Variants in SYT1 observed in about 807,000 individuals in gnomAD.
SYT1 encodes the protein synaptotagmin-1.
A neutral mutation model predicts 44.8 loss-of-function variants in SYT1; 8 were observed. The ratio of observed to expected loss-of-function variants is 0.18; its 90% CI spans 0.10 to 0.32. The LOEUF (loss-of-function observed/expected upper bound fraction) is 0.32. SYT1 is among the 10% of genes least tolerant of loss of function. The probability of loss-of-function intolerance (pLI) is 1.00; values close to 1 mark genes in which losing one functional copy is unlikely to be tolerated. For missense variants in SYT1, 286 were observed against 509.3 expected (o/e 0.56, Z 4.22); for synonymous variants, 154 against 188.8 (o/e 0.82, Z 1.51).
chr12:79,417,602 G>A (rs2136147551), intron 9 of SYT1, among the ~76,000 whole-genome samples: 1 of 152,204 alleles, frequency 6.6e-6, no homozygotes, highest in African/African-American at 2.4e-5. Flanking sequence ...CCTTCATGAT[G>A]AAATTCGAAT....
intron 9 of SYT1, among the ~76,000 whole-genome samples, chr12:79,390,729 T>C (rs1256332272): frequency 3.9e-5 from 6 of 152,230 alleles, no homozygotes; most frequent in Non-Finnish European, 8.8e-5. Flanking sequence ...AACTGCACAA[T>C]TGAGCCCTAT....
intron 8 of SYT1, among the ~76,000 whole-genome samples, chr12:79,308,551 A>AAAAG (rs1555216037): frequency 4.7e-5 from 7 of 148,876 alleles, no homozygotes; most frequent in Non-Finnish European, 8.8e-5. Context: ...AAAGAAAGAA[A>AAAAG]AAAGAAAGAA....
intron 1 of SYT1, among the ~76,000 whole-genome samples, chr12:78,935,969 A>G (rs17046064): frequency 0.091 from 13,808 of 152,162 alleles, 717 homozygotes; most frequent in East Asian, 0.18. Flanking sequence ...TTCCAAGTAC[A>G]AAGAGTTCAT....
chr12:79,158,857 A>G (rs1318329058), intron 3 of SYT1, among the ~76,000 whole-genome samples: 1 of 152,064 alleles, frequency 6.6e-6, no homozygotes, highest in Non-Finnish European at 1.5e-5. Flanking sequence ...TGATCACGCC[A>G]CTGAACTCCA....
chr12:79,193,156 T>C (rs760774684), intron 3 of SYT1, among the ~76,000 whole-genome samples: 4 of 152,198 alleles, frequency 2.6e-5, no homozygotes, highest in Non-Finnish European at 5.9e-5. Flanking sequence ...TTAAACATTT[T>C]CTTTATACTA....
At position 79,368,235 on chromosome 12, in the gene SYT1, T is replaced by C. The variant is rs1207527320; in HGVS notation, c.928+14616T>C. Among the ~76,000 whole-genome samples the C allele has an allele frequency of 2.6e-5, 4 of 152,198 alleles. No homozygotes were observed. In the East Asian group the frequency reaches 7.7e-4, roughly 29 times the overall value. ...CTACAAAGGACATGAACTCATCATTTTTTATGGCTGCATAGTATTCCATGG... is the reference window on the plus strand; with the variant it reads ...CTACAAAGGACATGAACTCATCATTCTTTATGGCTGCATAGTATTCCATGG... On this transcript the variant is annotated intron_variant, in intron 9 of 10. Transcript: ENST00000261205.
At chr12:79,358,695 C>T (rs896879483) in intron 9 of SYT1, among the ~76,000 whole-genome samples, 1 of 152,116 alleles carries the variant, frequency 6.6e-6, no homozygotes. Flanking sequence ...CTTGCCCACA[C>T]CCCTACCTTC....
In SYT1 at chr12:79,258,026, GA is replaced by G. The variant is rs994955365; in HGVS notation, c.167-27753del. Among the ~76,000 whole-genome samples the G allele has an allele frequency of 5.9e-5, 9 of 151,686 alleles. No homozygotes were observed. The South Asian group carries it at 1.7e-3, about 28-fold the overall frequency. Reference sequence around the variant, plus strand: ...ACAAAAGGCAAGGTTACTAAAAGAAGAAAAAAAATCAACTGTTTAGATGAAG... The same window carrying G: ...ACAAAAGGCAAGGTTACTAAAAGAAGAAAAAAATCAACTGTTTAGATGAAG... On this transcript the variant is annotated intron_variant, in intron 4 of 10. Coordinates refer to ENST00000261205, the MANE Select transcript of SYT1 (RefSeq NM_005639.3).
intron 1 of SYT1, among the ~76,000 whole-genome samples, chr12:78,927,618 A>G (rs1877375221): frequency 6.6e-6 from 1 of 152,104 alleles, no homozygotes; most frequent in South Asian, 2.1e-4. Flanking sequence ...TGAAGAGGAA[A>G]TTATCCTAAT....
intron 2 of SYT1, among the ~76,000 whole-genome samples, chr12:79,043,602 A>C (rs1031486128): frequency 6.6e-6 from 1 of 151,344 alleles, no homozygotes; most frequent in Non-Finnish European, 1.5e-5. Context: ...TGTGTCTTTT[A>C]ATTGGAGCAT....
At chr12:79,161,038 T>C (rs1592805264) in intron 3 of SYT1, among the ~76,000 whole-genome samples, 1 of 151,958 alleles carries the variant, frequency 6.6e-6, no homozygotes, top group African/African-American at 2.4e-5. Context: ...CTCGAGACCA[T>C]CCTAGGCAAT....
chr12:78,985,054 C>CA, intron 2 of SYT1, among the ~76,000 whole-genome samples: 1 of 151,060 alleles, frequency 6.6e-6, no homozygotes, highest in Non-Finnish European at 1.5e-5. Flanking sequence ...TACCGAGAAC[C>CA]AAAAAGAAAC....
At chr12:79,179,756 C>T (rs1005972292) in intron 3 of SYT1, among the ~76,000 whole-genome samples, 13 of 151,782 alleles carry the variant, frequency 8.6e-5, no homozygotes, top group Non-Finnish European at 1.9e-4. Flanking sequence ...ATCTATTTGC[C>T]ATTTGCTCTA....
At chr12:79,147,443 T>G (rs891482277) in intron 3 of SYT1, among the ~76,000 whole-genome samples, 2 of 152,226 alleles carry the variant, frequency 1.3e-5, no homozygotes, top group Non-Finnish European at 2.9e-5. Flanking sequence ...CCTATTTTTT[T>G]TCTAGACTTA....
chr12:79,006,569 T>A (rs995131597), intron 2 of SYT1, among the ~76,000 whole-genome samples: 17 of 152,292 alleles, frequency 1.1e-4, no homozygotes, highest in African/African-American at 4.1e-4. Context: ...TTTGGTGCCA[T>A]CTTCTGAGAG....
chr12:79,031,523 A>G (rs2137673364), intron 2 of SYT1, among the ~76,000 whole-genome samples: 1 of 151,242 alleles, frequency 6.6e-6, no homozygotes, highest in Non-Finnish European at 1.5e-5. Context: ...TTTTATATTT[A>G]TGGCTTGAAT....
chr12:78,940,389 T>G (rs1011904661), intron 1 of SYT1, among the ~76,000 whole-genome samples: 7 of 138,126 alleles, frequency 5.1e-5, no homozygotes, highest in Non-Finnish European at 8.3e-5. Context: ...CATTAACTCA[T>G]TTCTTTAAGT....
intron 4 of SYT1, among the ~76,000 whole-genome samples, chr12:79,242,807 C>A (rs988955539): frequency 2.6e-5 from 4 of 152,140 alleles, no homozygotes; most frequent in African/African-American, 9.7e-5. Flanking sequence ...TTGTATTGCA[C>A]GTGTATATAA....
intron 1 of SYT1, among the ~76,000 whole-genome samples, chr12:78,873,084 T>C (rs1252555813): frequency 1.1e-4 from 16 of 151,658 alleles, no homozygotes; most frequent in African/African-American, 3.9e-4. Context: ...GTATTTTTAT[T>C]TGTTTATTTA....
Sources: allele counts gnomAD v4.1 joint callset (sites outside exome capture counted in the v4.1 genomes callset), GRCh38; gene constraint gnomAD v4.1.1; transcripts MANE v1.5; gene names NCBI Gene and HGNC (gene_info 2026-07-23, HGNC 2026-07-21).